Variants in IQCM observed in about 807,000 individuals in gnomAD.
IQCM encodes IQ motif containing M.
In IQCM, 45 loss-of-function variants were observed where a neutral mutation model predicts 57.6. That is an observed-to-expected ratio of 0.78 (90% CI 0.62 to 1.00). The LOEUF (loss-of-function observed/expected upper bound fraction) is 1.00, where lower values mean the gene tolerates loss of function less well. Ranked by LOEUF, IQCM falls within the 50% of genes least tolerant of loss-of-function variation. The probability of loss-of-function intolerance (pLI) is 0.00; values close to 1 mark genes in which losing one functional copy is unlikely to be tolerated. For synonymous variants in IQCM, 148 were observed against 158.9 expected (o/e 0.93, Z 0.51); for missense variants, 468 against 511.6 (o/e 0.91, Z 0.82).
chr4:149,415,835 T>G (rs962055766), intron 13 of IQCM, among the ~76,000 whole-genome samples: 1 of 151,956 alleles, frequency 6.6e-6, no homozygotes, highest in Non-Finnish European at 1.5e-5. Flanking sequence ...AAAGCTGAAC[T>G]GGGTAAAAAG....
intron 13 of IQCM, among the ~76,000 whole-genome samples, chr4:149,388,169 C>T (rs763233224): frequency 3.3e-5 from 5 of 151,648 alleles, no homozygotes; most frequent in Admixed American, 6.6e-5. Context: ...TTTATACTGA[C>T]TTATGTTTTC....
intron 2 of IQCM, among the ~76,000 whole-genome samples, chr4:149,797,180 G>GGAATTCA (rs1773187131): frequency 6.6e-6 from 1 of 151,918 alleles, no homozygotes; most frequent in Non-Finnish European, 1.5e-5. Flanking sequence ...ATACAGAGAA[G>GGAATTCA]GAATTCAGAA....
intron 7 of IQCM, among the ~76,000 whole-genome samples, chr4:149,642,457 A>G (rs1211636113): frequency 6.6e-6 from 1 of 152,168 alleles, no homozygotes; most frequent in African/African-American, 2.4e-5. Context: ...CTTTAAGGCA[A>G]TGAAATATTT....
At chr4:149,395,790 C>A (rs1317352385) in intron 13 of IQCM, among the ~76,000 whole-genome samples, 2 of 152,004 alleles carry the variant, frequency 1.3e-5, no homozygotes, top group East Asian at 3.9e-4. Context: ...ATTCTCTATT[C>A]CCAGAAGGGA....
intron 6 of IQCM, among the ~76,000 whole-genome samples, chr4:149,682,525 T>C (rs989226081): frequency 6.6e-6 from 1 of 151,096 alleles, no homozygotes; most frequent in Admixed American, 6.6e-5. Context: ...CAAGAGATTT[T>C]TGAGTAGCAT....
intron 12 of IQCM, among the ~76,000 whole-genome samples, chr4:149,472,490 G>C (rs1560883895): frequency 6.6e-6 from 1 of 152,072 alleles, no homozygotes; most frequent in Non-Finnish European, 1.5e-5. Context: ...ACAAATGGAA[G>C]AATATTCCAT....
intron 2 of IQCM, among the ~76,000 whole-genome samples, chr4:149,809,264 A>T (rs575311171): frequency 6.9e-6 from 1 of 144,110 alleles, no homozygotes; most frequent in Admixed American, 7.1e-5. Context: ...TGTCTCAAAA[A>T]GAAAAAAAAA....
At chr4:149,394,784 A>G (rs1283899799) in intron 13 of IQCM, among the ~76,000 whole-genome samples, 1 of 152,054 alleles carries the variant, frequency 6.6e-6, no homozygotes, top group Admixed American at 6.6e-5. Context: ...AAGAGTTAAA[A>G]GATTTACTAT....
chr4:149,680,183 A>G (rs1427910696), intron 7 of IQCM, among the ~76,000 whole-genome samples: 1 of 151,394 alleles, frequency 6.6e-6, no homozygotes, highest in Non-Finnish European at 1.5e-5. Context: ...AAAAAAGAAC[A>G]CCTACTCTAT....
intron 2 of IQCM, among the ~76,000 whole-genome samples, chr4:149,781,762 T>C (rs568453375): frequency 4.6e-5 from 7 of 152,096 alleles, no homozygotes; most frequent in Non-Finnish European, 8.8e-5. Context: ...ACATTATGAA[T>C]TGACAAAACT....
At chr4:149,455,287 A>G (rs1328252693) in intron 12 of IQCM, among the ~76,000 whole-genome samples, 4 of 152,036 alleles carry the variant, frequency 2.6e-5, no homozygotes, top group East Asian at 3.9e-4. Context: ...CATTCACTCA[A>G]TGCAGGATTT....
intron 13 of IQCM, among the ~76,000 whole-genome samples, chr4:149,403,895 C>A (rs1578943124): frequency 6.6e-6 from 1 of 151,824 alleles, no homozygotes; most frequent in Admixed American, 6.6e-5. Flanking sequence ...ATATTCACAA[C>A]CATATAGCAG....
chr4:149,408,661 T>C (rs1369755795), intron 13 of IQCM, among the ~76,000 whole-genome samples: 1 of 152,234 alleles, frequency 6.6e-6, no homozygotes, highest in Non-Finnish European at 1.5e-5. Flanking sequence ...ATCCTCAGTA[T>C]GTTTGTGTTT....
At chr4:149,517,813 G>C (rs1273499622) in intron 12 of IQCM, among the ~76,000 whole-genome samples, 2 of 152,130 alleles carry the variant, frequency 1.3e-5, no homozygotes, top group Admixed American at 6.5e-5. Flanking sequence ...TCCTGTGCTG[G>C]ATGCTTCCTG....
chr4:149,770,538 A>C (rs1055949338), intron 2 of IQCM, among the ~76,000 whole-genome samples: 1 of 152,110 alleles, frequency 6.6e-6, no homozygotes, highest in Non-Finnish European at 1.5e-5. Flanking sequence ...GCAAAATAAA[A>C]TTAGTAAATA....
intron 7 of IQCM, among the ~76,000 whole-genome samples, chr4:149,651,836 C>T (rs1427764103): frequency 6.6e-6 from 1 of 152,072 alleles, no homozygotes; most frequent in Admixed American, 6.6e-5. Context: ...AATAGAAATG[C>T]TTTTACACTG....
chr4:149,442,664 A>G (rs1736064725), intron 12 of IQCM, among the ~76,000 whole-genome samples: 1 of 151,900 alleles, frequency 6.6e-6, no homozygotes, highest in African/African-American at 2.4e-5. Flanking sequence ...TATTTCTACT[A>G]ACAGTCTGTT....
chr4:149,634,787 G>A (rs1757586448), intron 7 of IQCM, among the ~76,000 whole-genome samples: 1 of 152,112 alleles, frequency 6.6e-6, no homozygotes, highest in Non-Finnish European at 1.5e-5. Context: ...GTTAATTTTA[G>A]GTGATGTATT....
rs1762751713 is a variant in IQCM at position 149,689,001 on chromosome 4, AG to A, written c.386-2534del. 2.0e-5 allele frequency among the ~76,000 whole-genome samples: 3 copies of A among 152,234 alleles called. No homozygotes were observed. The South Asian group carries it at 6.2e-4, about 32-fold the overall frequency. ...TAAGACCTGAAACTATAAAAATTCTAGAAGATAACAGTGGAAAAATCCTTCT... is the reference window on the plus strand; with the variant it reads ...TAAGACCTGAAACTATAAAAATTCTAAAGATAACAGTGGAAAAATCCTTCT... On this transcript the variant is annotated intron_variant, in intron 5 of 13. Transcript: ENST00000636793.
Sources: gnomAD v4.1 joint callset for allele counts (sites outside exome capture counted in the v4.1 genomes callset) on GRCh38, gnomAD v4.1.1 for gene constraint, MANE v1.5 for transcripts, NCBI Gene and HGNC (gene_info 2026-07-23, HGNC 2026-07-21) for gene names.